Variants in RNF220 observed in about 807,000 individuals in gnomAD.
The protein encoded by RNF220 is ring finger protein 220, also known as E3 ubiquitin-protein ligase RNF220.
In RNF220, 7 loss-of-function variants were observed where a neutral mutation model predicts 67.1. That is an observed-to-expected ratio of 0.10 (90% confidence interval 0.06 to 0.20). RNF220 has a LOEUF of 0.20. RNF220 is among the 10% of genes least tolerant of loss of function. The pLI, the probability that RNF220 is intolerant of heterozygous loss-of-function variation, is 1.00. For synonymous variants in RNF220, 270 were observed against 283.2 expected, an observed-to-expected ratio of 0.95 and a Z score of 0.47; for missense variants, 565 against 740.3, an observed-to-expected ratio of 0.76 and a Z score of 2.75.
intron 7 of RNF220, 170 bp downstream of exon 7, chr1:44,635,758 C>T (rs1007349610): frequency 3.4e-6 from 5 of 1,452,214 alleles, no homozygotes; most frequent in Middle Eastern, 2.3e-4. Flanking sequence ...CTCTTGGGGT[C>T]TCCATGTGGT....
intron 2 of RNF220, among the ~76,000 whole-genome samples, chr1:44,509,460 G>T (rs1233096014): frequency 6.6e-6 from 1 of 151,248 alleles, no homozygotes; most frequent in Non-Finnish European, 1.5e-5. Flanking sequence ...TGAGGCAGGA[G>T]AATGGCGTGA....
intron 2 of RNF220, among the ~76,000 whole-genome samples, chr1:44,506,563 C>T (rs1658447389): frequency 6.6e-6 from 1 of 152,236 alleles, no homozygotes; most frequent in African/African-American, 2.4e-5. Flanking sequence ...CATCTATCAG[C>T]CTCCAGCAAT....
chr1:44,436,385 C>G (rs535733478), intron 2 of RNF220, among the ~76,000 whole-genome samples: 1 of 145,136 alleles, frequency 6.9e-6, no homozygotes, highest in Non-Finnish European at 1.5e-5. Context: ...GTTTTCTTGT[C>G]GAGATCGTGT....
At position 44,412,068 on chromosome 1, in the gene RNF220, G is replaced by T; in HGVS notation, c.-30G>T. 6.3e-7 allele frequency: 1 copy of T among 1,584,474 alleles called. No individual in the cohort carries two copies. Among genetic ancestry groups the T allele is most frequent in the Non-Finnish European group, 8.6e-7 (1 of 1,163,756 alleles). On this transcript the variant is annotated 5_prime_UTR_variant, in exon 2 of 15. Transcript: ENST00000361799. The surrounding 1 kb of genome is among the most constrained non-coding windows in gnomAD (Gnocchi z 5.3). ...TCCCTCCCAGGGAAGACTGCTTCTT[G>T]CGTAACGCCGGCCACAGAAAGAGAC...
intron 7 of RNF220, 170 bp from the exon 8 acceptor site, chr1:44,635,860 G>A (rs1644313538): frequency 1.5e-6 from 2 of 1,342,520 alleles, no homozygotes; most frequent in Non-Finnish European, 2.0e-6. Context: ...AAACTATTGG[G>A]AAGAGGCCCA....
intron 8 of RNF220, 54 bp from the exon 9 acceptor site, chr1:44,644,644 G>A: frequency 2.1e-6 from 3 of 1,435,450 alleles, no homozygotes; most frequent in Non-Finnish European, 2.9e-6. Context: ...AACAGGAGGG[G>A]CACCCTTGGC....
At chr1:44,570,298 C>T (rs1456137460) in intron 2 of RNF220, among the ~76,000 whole-genome samples, 1 of 152,150 alleles carries the variant, frequency 6.6e-6, no homozygotes, top group African/African-American at 2.4e-5. Context: ...TTACAAACCC[C>T]ATCCAGCGCT....
At chr1:44,575,935 G>A (rs780037855) in intron 2 of RNF220, among the ~76,000 whole-genome samples, 6 of 152,216 alleles carry the variant, frequency 3.9e-5, no homozygotes, top group Non-Finnish European at 8.8e-5. Flanking sequence ...TGTGTGACAT[G>A]CTCCATAATG....
intron 2 of RNF220, among the ~76,000 whole-genome samples, chr1:44,579,126 A>G (rs1266045497): frequency 6.6e-6 from 1 of 151,992 alleles, no homozygotes; most frequent in Non-Finnish European, 1.5e-5. Flanking sequence ...ACTGCACTCC[A>G]GTCTGGGTGA....
At chr1:44,595,137 G>A (rs912471858) in intron 2 of RNF220, among the ~76,000 whole-genome samples, 2 of 152,192 alleles carry the variant, frequency 1.3e-5, no homozygotes, top group African/African-American at 2.4e-5. Flanking sequence ...CAGAATCTGC[G>A]TTTTAGATTA....
intron 2 of RNF220, among the ~76,000 whole-genome samples, chr1:44,480,084 C>T (rs1159462290): frequency 6.6e-6 from 1 of 152,130 alleles, no homozygotes; most frequent in Non-Finnish European, 1.5e-5. Context: ...TTTTGTTGTT[C>T]TAGTTATAAC....
At chr1:44,607,114 A>G (rs1667320972) in intron 2 of RNF220, among the ~76,000 whole-genome samples, 1 of 152,070 alleles carries the variant, frequency 6.6e-6, no homozygotes, top group Non-Finnish European at 1.5e-5. Flanking sequence ...GCCTCTGTTC[A>G]TCTCCGGCAT....
intron 8 of RNF220, among the ~76,000 whole-genome samples, chr1:44,641,873 CAA>C (rs886965000): frequency 6.6e-6 from 1 of 152,192 alleles, no homozygotes; most frequent in African/African-American, 2.4e-5. Context: ...CTTTGGCAAA[CAA>C]AGTGTGTCGT....
At chr1:44,518,577 C>T (rs537911053) in intron 2 of RNF220, among the ~76,000 whole-genome samples, 1 of 151,466 alleles carries the variant, frequency 6.6e-6, no homozygotes, top group South Asian at 2.1e-4. Flanking sequence ...AGACAGAAAG[C>T]CTTTAAAAAC....
At chr1:44,515,280 A>C (rs1359205073) in intron 2 of RNF220, among the ~76,000 whole-genome samples, 1 of 152,204 alleles carries the variant, frequency 6.6e-6, no homozygotes, top group African/African-American at 2.4e-5. Context: ...TATAGAATCA[A>C]ATGGAAATGG....
chr1:44,638,049 G>A (rs1481781685), intron 8 of RNF220, among the ~76,000 whole-genome samples: 1 of 152,252 alleles, frequency 6.6e-6, no homozygotes, highest in African/African-American at 2.4e-5. Context: ...CCTCAGTGGG[G>A]GGGCTATCAA....
At chr1:44,640,601 T>C (rs1212668658) in intron 8 of RNF220, among the ~76,000 whole-genome samples, 1 of 152,232 alleles carries the variant, frequency 6.6e-6, no homozygotes, top group African/African-American at 2.4e-5. Flanking sequence ...AAACGCGTTA[T>C]CGAGGAGGCC....
intron 2 of RNF220, among the ~76,000 whole-genome samples, chr1:44,489,743 C>A (rs1557975796): frequency 6.6e-6 from 1 of 152,360 alleles, no homozygotes; most frequent in South Asian, 2.1e-4. Context: ...CATCCTTCAA[C>A]TGTGTAATGC....
chr1:44,466,175 C>T (rs533139651), intron 2 of RNF220, among the ~76,000 whole-genome samples: 71 of 152,260 alleles, frequency 4.7e-4, no homozygotes, highest in Non-Finnish European at 7.9e-4. Context: ...ACATCTTCAC[C>T]AGGAAGTGGA....
Sources: gnomAD v4.1 joint callset for allele counts (sites outside exome capture counted in the v4.1 genomes callset) on GRCh38, gnomAD v4.1.1 for gene constraint, Gnocchi (gnomAD v3.1) non-coding constraint, MANE v1.5 for transcripts, NCBI Gene and HGNC (gene_info 2026-07-23, HGNC 2026-07-21) for gene names.